Variants in NFATC2 observed in about 807,000 individuals in gnomAD.
NFATC2 encodes the protein nuclear factor of activated T-cells, cytoplasmic 2.
In NFATC2, 22 loss-of-function variants were observed where a neutral mutation model predicts 87.3. The ratio of observed to expected loss-of-function variants is 0.25; its 90% CI spans 0.18 to 0.36. NFATC2 has a LOEUF of 0.36. Among genes scored for constraint, NFATC2 ranks in the 10% least tolerant of loss-of-function variants. The pLI is 1.00. For synonymous variants in NFATC2, 565 were observed against 542.2 expected, an observed-to-expected ratio of 1.04 and a Z score of -0.58; for missense variants, 1,149 against 1,259.1, an observed-to-expected ratio of 0.91 and a Z score of 1.32.
chr20:51,401,215 C>T (rs995838366), intron 9 of NFATC2, among the ~76,000 whole-genome samples: 12 of 150,766 alleles, frequency 8.0e-5, no homozygotes, highest in African/African-American at 3.0e-4. Context: ...ACTAAAAATA[C>T]AAAAATTAGC....
chr20:51,431,632 T>TCCCTCAAATATA (rs1262772678), intron 9 of NFATC2, among the ~76,000 whole-genome samples: 23 of 152,222 alleles, frequency 1.5e-4, no homozygotes, highest in African/African-American at 5.3e-4. Flanking sequence ...TCTCCCTCCC[T>TCCCTCAAATATA]CAAATATACA....
intron 3 of NFATC2, among the ~76,000 whole-genome samples, chr20:51,493,635 A>G (rs892667848): frequency 1.3e-5 from 2 of 152,142 alleles, no homozygotes; most frequent in Non-Finnish European, 2.9e-5. Flanking sequence ...AATGCAGCAG[A>G]CACTGGTTCA....
At chr20:51,444,291 G>A (rs1413451313) in intron 6 of NFATC2, among the ~76,000 whole-genome samples, 1 of 151,760 alleles carries the variant, frequency 6.6e-6, no homozygotes, top group African/African-American at 2.4e-5. Flanking sequence ...TGACATTATA[G>A]CCTCTGCTTT....
At chr20:51,467,310 A>C (rs1987783875) in intron 5 of NFATC2, among the ~76,000 whole-genome samples, 1 of 152,156 alleles carries the variant, frequency 6.6e-6, no homozygotes. Flanking sequence ...TAATCCCAAC[A>C]GTTTGGGAGG....
chr20:51,398,994 T>C (rs1987671322), intron 9 of NFATC2: 1 of 376,896 alleles, frequency 2.7e-6, no homozygotes, highest in African/African-American at 2.0e-5. Flanking sequence ...GTGTTCAGGG[T>C]GGACAAAAGG....
At chr20:51,482,199 C>T (rs2146543835) in intron 3 of NFATC2, among the ~76,000 whole-genome samples, 1 of 151,758 alleles carries the variant, frequency 6.6e-6, no homozygotes. Flanking sequence ...AACCCAGAGA[C>T]ACACAAACAT....
chr20:51,544,018 C>T (rs932485203), upstream of NFATC2, among the ~76,000 whole-genome samples: 9 of 108,802 alleles, frequency 8.3e-5, no homozygotes, highest in East Asian at 3.0e-4. Context: ...GACGGAGTCT[C>T]GCTCTGTCGC....
chr20:51,454,786 C>A, intron 5 of NFATC2, 98 bp from the exon 6 acceptor site: 1 of 1,329,074 alleles, frequency 7.5e-7, no homozygotes, highest in South Asian at 1.4e-5. Flanking sequence ...CATGCTCTGC[C>A]CACCTGTGTC....
At position 51,388,192 on chromosome 20, in the gene NFATC2, C is replaced by A. The variant is rs1287855188; in HGVS notation, c.*3304G>T. The A allele has an allele frequency of 6.6e-6, 1 of 152,116 alleles. No individual in the cohort carries two copies. Among genetic ancestry groups the A allele is most frequent in the Non-Finnish European group, 1.5e-5 (1 of 68,016 alleles). The allele number at this position is 152,116 out of a possible 1,614,324, so 9.4% of individuals were successfully genotyped here. On this transcript the variant is annotated 3_prime_UTR_variant, in exon 11 of 11. Coordinates refer to ENST00000371564, the MANE Select transcript of NFATC2 (RefSeq NM_012340.5). Reference sequence around the variant, plus strand: ...GAGTTCTGTGAACATGAATTCTTTTCGAATTCCATTACAATGCAGGCAGGG... The same window carrying A: ...GAGTTCTGTGAACATGAATTCTTTTAGAATTCCATTACAATGCAGGCAGGG...
Position 51,432,521 on chromosome 20 carries a change from C to G in NFATC2, c.2268G>C (p.Lys756Asn). 1 of 1,556,458 alleles carries G rather than the reference C, an allele frequency of 6.4e-7. No individual in the cohort carries two copies. The highest frequency in any genetic ancestry group is 8.7e-7 in the Non-Finnish European group (1 of 1,153,244). ...NPAAVLYQRS[K>N]SLSPSLLGYQ... Reference sequence around the variant, plus strand: ...AGCCCAGCAGGCTGGGGCTCAGGCTCTTGCTCCGCTGGTAGAGTACGGCCG... The same window carrying G: ...AGCCCAGCAGGCTGGGGCTCAGGCTGTTGCTCCGCTGGTAGAGTACGGCCG... The change falls in exon 9 of 11, where the codon AAG (lysine) becomes AAC (asparagine). Residue 756 changes from lysine (K) to asparagine (N), a missense_variant. This residue lies in a region of NFATC2 where 581 missense variants were observed against 649.7 expected (regional missense o/e 0.89). Transcript: ENST00000371564. The surrounding 1 kb of genome is among the most constrained non-coding windows in gnomAD (Gnocchi z 4.6).
chr20:51,438,961 C>T (rs1983959537), intron 6 of NFATC2, among the ~76,000 whole-genome samples: 1 of 152,220 alleles, frequency 6.6e-6, no homozygotes. Flanking sequence ...GGTTGTTACA[C>T]GAGAGAAACT....
At chr20:51,494,546 T>C (rs2075956753) in intron 3 of NFATC2, among the ~76,000 whole-genome samples, 1 of 152,118 alleles carries the variant, frequency 6.6e-6, no homozygotes. Flanking sequence ...AGAGTCAGCA[T>C]CCTACCCTTG....
intron 6 of NFATC2, among the ~76,000 whole-genome samples, chr20:51,440,474 G>A (rs139646881): frequency 0.01 from 1,546 of 152,242 alleles, 14 homozygotes; most frequent in Non-Finnish European, 0.015. Flanking sequence ...TTTATGAAGC[G>A]ACGAAGTCTG....
intron 3 of NFATC2, among the ~76,000 whole-genome samples, chr20:51,505,824 C>T (rs1040793658): frequency 2.6e-5 from 4 of 152,128 alleles, no homozygotes; most frequent in South Asian, 2.1e-4. Context: ...CCCTCCACAC[C>T]GTCTGCCCCT....
rs781756598 is a variant in NFATC2, at chr20:51,524,103, C to T, written c.138G>A (p.Pro46=). The change falls in exon 2 of 11, where the codon CCG becomes CCA. Residue 46 remains proline, a synonymous_variant. Coordinates refer to ENST00000371564, the MANE Select transcript of NFATC2 (RefSeq NM_012340.5). This position sits in a 1 kb window ranked among gnomAD's most constrained non-coding sequence, Gnocchi z 4.0. ...YEYLNPNEEE[P]NAHKVASPPS... is the part of the protein sequence containing the mutation. ...GTGGGCTGGCGACCTTATGTGCATT[C>T]GGCTCTTCTGGAAAGAGAAGGGGGA... is the stretch of plus-strand genomic sequence containing the variant. The T allele has an allele frequency of 2.7e-6, 4 of 1,457,226 alleles. No individual in the cohort carries two copies. The highest frequency in any genetic ancestry group is 1.6e-5 in the South Asian group (1 of 63,194). The allele number at this position is 1,457,226 out of a possible 1,614,324, so 90.3% of individuals were successfully genotyped here.
intron 1 of NFATC2, among the ~76,000 whole-genome samples, chr20:51,551,388 CTTTA>C (rs2146831083): frequency 6.6e-6 from 1 of 152,160 alleles, no homozygotes; most frequent in Admixed American, 6.5e-5. Context: ...TTGATCTTGT[CTTTA>C]TTTAACATTT....
chr20:51,462,070 A>G (rs372048165), intron 5 of NFATC2, among the ~76,000 whole-genome samples: 2 of 151,402 alleles, frequency 1.3e-5, no homozygotes. Context: ...GTGAGTTGAG[A>G]TTGCACCACT....
rs973711981 is a variant in NFATC2 at position 51,498,215 on chromosome 20, C to T, written c.1332+18569G>A. The stretch of plus-strand genomic sequence containing the variant: ...AGGAAAGCCACCAAGGAGCCGCCTA[C>T]GCCAGCACATCCATCACCCAGACTC... On this transcript the variant is annotated intron_variant, in intron 3 of 10. Coordinates refer to ENST00000371564, the MANE Select transcript of NFATC2 (RefSeq NM_012340.5). Among the ~76,000 whole-genome samples the T allele has an allele frequency of 3.3e-5, 5 of 152,130 alleles. No individual in the cohort carries two copies. In the South Asian group the frequency reaches 6.2e-4, roughly 19 times the overall value.
intron 4 of NFATC2, among the ~76,000 whole-genome samples, chr20:51,474,448 T>C (rs1988520935): frequency 6.6e-6 from 1 of 152,196 alleles, no homozygotes; most frequent in Non-Finnish European, 1.5e-5. Context: ...GACTATTCAA[T>C]AGATAAGAGT....
Sources: gnomAD v4.1 joint callset for allele counts (sites outside exome capture counted in the v4.1 genomes callset) on GRCh38, gnomAD v4.1.1 for gene constraint, gnomAD v4.1.1 regional missense constraint, Gnocchi (gnomAD v3.1) non-coding constraint, MANE v1.5 for transcripts, NCBI Gene and HGNC (gene_info 2026-07-23, HGNC 2026-07-21) for gene names.